The following PRUNE2 variants were observed in gnomAD, a reference collection of about 807,000 sequenced individuals.
The protein encoded by PRUNE2 is protein prune homolog 2.
A neutral mutation model predicts 252.0 loss-of-function variants in PRUNE2; 164 were observed. The ratio of observed to expected loss-of-function variants is 0.65; its 90% confidence interval spans 0.57 to 0.74. The LOEUF is 0.74. PRUNE2 is among the 30% of genes least tolerant of loss of function. PRUNE2 has a pLI of 0.00. For missense variants in PRUNE2, 3,495 were observed against 3,711.0 expected (o/e 0.94, Z 1.51); for synonymous variants, 1,292 against 1,350.2 (o/e 0.96, Z 0.94).
chr9:76,768,583 ATGTGTGTG>A (rs55793596), intron 6 of PRUNE2, among the ~76,000 whole-genome samples: 326 of 103,354 alleles, frequency 3.2e-3, no homozygotes, highest in African/African-American at 9.8e-3. Context: ...ATGTATATGT[ATGTGTGTG>A]TGTGTGTGTG....
chr9:76,797,720 G>A (rs2056224091), intron 6 of PRUNE2, among the ~76,000 whole-genome samples: 3 of 151,118 alleles, frequency 2.0e-5, no homozygotes, highest in Non-Finnish European at 4.4e-5. Context: ...AAGGGGCCTA[G>A]CCATTGCCCG....
At chr9:76,761,893 T>G (rs1430563030) in intron 6 of PRUNE2, among the ~76,000 whole-genome samples, 1 of 152,238 alleles carries the variant, frequency 6.6e-6, no homozygotes, top group African/African-American at 2.4e-5. Flanking sequence ...GGTACAATTT[T>G]TAAATGATTC....
intron 6 of PRUNE2, among the ~76,000 whole-genome samples, chr9:76,807,051 T>TGTGTGTGTGTGTGC (rs60768420): frequency 2.9e-5 from 4 of 139,456 alleles, no homozygotes; most frequent in African/African-American, 1.1e-4. Context: ...TGTGTGTGTG[T>TGTGTGTGTGTGTGC]GCGCGCGCGC....
chr9:76,798,238 T>G (rs1404147455), intron 6 of PRUNE2, among the ~76,000 whole-genome samples: 1 of 152,250 alleles, frequency 6.6e-6, no homozygotes, highest in Non-Finnish European at 1.5e-5. Flanking sequence ...ATGTTTAGAA[T>G]GTTTTCATCT....
chr9:76,692,245 C>A (rs972435306), intron 9 of PRUNE2: 4 of 696,020 alleles, frequency 5.7e-6, no homozygotes, highest in Non-Finnish European at 1.1e-5. Flanking sequence ...TCCCAGATCT[C>A]CCCATGCAGC....
intron 9 of PRUNE2, among the ~76,000 whole-genome samples, chr9:76,668,296 A>G (rs368761571): frequency 1.1e-4 from 17 of 152,252 alleles, no homozygotes; most frequent in East Asian, 3.8e-4. Context: ...TTTGATGATC[A>G]TGCAAACACG....
intron 4 of PRUNE2, among the ~76,000 whole-genome samples, chr9:76,837,794 C>T (rs11145095): frequency 0.46 from 67,187 of 146,418 alleles, 16,517 homozygotes; most frequent in African/African-American, 0.64. Flanking sequence ...TTTTTTGAGA[C>T]GGAGTCTTGC....
intron 6 of PRUNE2, chr9:76,784,048 C>T (rs1007447109): frequency 1.3e-5 from 2 of 152,116 alleles, no homozygotes; most frequent in Non-Finnish European, 2.9e-5. Context: ...TGGATTTATC[C>T]TCACGGAGTC....
intron 1 of PRUNE2, among the ~76,000 whole-genome samples, chr9:76,899,035 A>G (rs1256472866): frequency 1.3e-5 from 2 of 152,188 alleles, no homozygotes; most frequent in Admixed American, 6.5e-5. Flanking sequence ...TGGAATGCCT[A>G]ATCTTTTCTC....
intron 6 of PRUNE2, among the ~76,000 whole-genome samples, chr9:76,722,616 A>C (rs2047744429): frequency 6.6e-6 from 1 of 152,212 alleles, no homozygotes; most frequent in African/African-American, 2.4e-5. Context: ...TTACGTCAAT[A>C]GTATATTGCC....
chr9:76,673,594 A>G (rs2041951938), intron 9 of PRUNE2, among the ~76,000 whole-genome samples: 2 of 147,852 alleles, frequency 1.4e-5, no homozygotes, highest in African/African-American at 5.0e-5. Flanking sequence ...AGGCAGAGAC[A>G]CAACAAAAAA....
At chr9:76,636,583 C>A (rs980653238) in intron 14 of PRUNE2, 26 bp from the exon 15 acceptor site, 89 of 1,212,510 alleles carry the variant, frequency 7.3e-5, no homozygotes, top group Non-Finnish European at 9.4e-5. Context: ...AAAAAAAATA[C>A]ATTACTCTTA....
intron 9 of PRUNE2, among the ~76,000 whole-genome samples, chr9:76,697,904 C>T (rs970152715): frequency 1.3e-5 from 2 of 152,104 alleles, no homozygotes; most frequent in African/African-American, 4.8e-5. Flanking sequence ...TGTCAGTCTG[C>T]AAGCACTTAC....
intron 6 of PRUNE2, among the ~76,000 whole-genome samples, chr9:76,772,808 C>T (rs2053264090): frequency 6.6e-6 from 1 of 152,140 alleles, no homozygotes; most frequent in African/African-American, 2.4e-5. Flanking sequence ...AAGCAATCCT[C>T]CCATCTTGGC....
At chr9:76,630,835 T>G (rs1451488840) in intron 15 of PRUNE2, among the ~76,000 whole-genome samples, 3 of 152,236 alleles carry the variant, frequency 2.0e-5, no homozygotes, top group Non-Finnish European at 4.4e-5. Context: ...CTGCATTTTC[T>G]TATTACTTGT....
At chr9:76,879,914 T>A (rs1446658352) in intron 1 of PRUNE2, among the ~76,000 whole-genome samples, 1 of 111,264 alleles carries the variant, frequency 9.0e-6, no homozygotes, top group African/African-American at 3.8e-5. Flanking sequence ...TTTTTTTTTT[T>A]TTTTTTTTTT....
Position 76,701,907 on chromosome 9 carries a change from C to T in PRUNE2, c.8276+1430G>A, listed in dbSNP as rs138405057. Among the ~76,000 whole-genome samples the T allele has an allele frequency of 1.2e-3, 180 of 152,244 alleles. 3 individuals are homozygous for T. In the Middle Eastern group the frequency reaches 0.014, roughly 12 times the overall value. On this transcript the variant is annotated intron_variant, in intron 9 of 18. Transcript: ENST00000376718. ...CTTTCAGCCCAACTCACTAATTTTA[C>T]GCATGAGAAAACCTAAGCCTGGGAT...
At chr9:76,718,007 C>G (rs2047312518) in intron 6 of PRUNE2, among the ~76,000 whole-genome samples, 1 of 152,012 alleles carries the variant, frequency 6.6e-6, no homozygotes, top group African/African-American at 2.4e-5. Flanking sequence ...AGGTGTAGGT[C>G]CCAAGAATCC....
At chr9:76,803,808 T>C (rs1740365135) in intron 6 of PRUNE2, among the ~76,000 whole-genome samples, 1 of 152,182 alleles carries the variant, frequency 6.6e-6, no homozygotes, top group African/African-American at 2.4e-5. Flanking sequence ...CGCTGTTACT[T>C]TCCGGAGTCT....
Sources: allele counts gnomAD v4.1 joint callset (sites outside exome capture counted in the v4.1 genomes callset), GRCh38; gene constraint gnomAD v4.1.1; transcripts MANE v1.5; gene names NCBI Gene and HGNC (gene_info 2026-07-23, HGNC 2026-07-21).